ACBD6: variants seen among roughly 807,000 people sequenced by gnomAD.
ACBD6 encodes acyl-CoA binding domain containing 6.
A neutral mutation model predicts 37.2 loss-of-function variants in ACBD6; 28 were observed. The ratio of observed to expected loss-of-function variants is 0.75; its 90% CI spans 0.56 to 1.03. The LOEUF (loss-of-function observed/expected upper bound fraction) is 1.03, where lower values mean the gene tolerates loss of function less well. ACBD6 is among the 50% of genes least tolerant of loss of function. The probability of loss-of-function intolerance (pLI) is 0.00; values close to 1 mark genes in which losing one functional copy is unlikely to be tolerated. For synonymous variants in ACBD6, 113 were observed against 126.8 expected (o/e 0.89, Z 0.73); for missense variants, 340 against 337.4 (o/e 1.01, Z -0.06).
At chr1:180,428,250 TTTCA>T (rs1415881840) in intron 4 of ACBD6, among the ~76,000 whole-genome samples, 1 of 152,212 alleles carries the variant, frequency 6.6e-6, no homozygotes, top group Non-Finnish European at 1.5e-5. Flanking sequence ...AAGGTTCATA[TTTCA>T]TTCAATTAAT....
intron 3 of ACBD6, among the ~76,000 whole-genome samples, chr1:180,438,888 A>C (rs921951214): frequency 3.3e-5 from 5 of 152,140 alleles, no homozygotes; most frequent in African/African-American, 1.2e-4. Flanking sequence ...ACTGCCCTAA[A>C]AATCCCGTAC....
At chr1:180,497,322 G>A (rs1169667804) in intron 1 of ACBD6, among the ~76,000 whole-genome samples, 3 of 152,122 alleles carry the variant, frequency 2.0e-5, no homozygotes, top group Non-Finnish European at 4.4e-5. Flanking sequence ...CTGGGGACTG[G>A]ATGTGTGGAA....
At chr1:180,484,528 G>A (rs1557889875) in intron 3 of ACBD6, among the ~76,000 whole-genome samples, 1 of 152,036 alleles carries the variant, frequency 6.6e-6, no homozygotes, top group Non-Finnish European at 1.5e-5. Flanking sequence ...ATATGAAAGA[G>A]GGAAGGCTAT....
At chr1:180,277,562 CTGTT>C (rs1023567778) in intron 9 of ACBD6, 4 of 152,152 alleles carry the variant, frequency 2.6e-5, no homozygotes, top group Non-Finnish European at 5.9e-5. Context: ...GGAGGAATCT[CTGTT>C]TGTTGGAACG....
intron 9 of ACBD6, chr1:180,275,921 C>T (rs1258877158): frequency 1.3e-5 from 2 of 152,342 alleles, no homozygotes; most frequent in Non-Finnish European, 2.9e-5. Flanking sequence ...AGGCCAACCC[C>T]CGCTTTACGA....
intron 3 of ACBD6, among the ~76,000 whole-genome samples, chr1:180,483,908 C>G (rs1379960050): frequency 2.0e-5 from 3 of 152,088 alleles, no homozygotes; most frequent in Admixed American, 1.3e-4. Context: ...CTCCAAAGAG[C>G]TATGGAAAAT....
intron 4 of ACBD6, 53 bp downstream of exon 4, chr1:180,430,127 G>GCA: frequency 2.1e-6 from 3 of 1,452,000 alleles, no homozygotes; most frequent in South Asian, 1.1e-5. Flanking sequence ...ACAAACACAT[G>GCA]CACACACACA....
intron 7 of ACBD6, among the ~76,000 whole-genome samples, chr1:180,307,432 C>T (rs1488309394): frequency 6.6e-6 from 1 of 151,984 alleles, no homozygotes; most frequent in East Asian, 1.9e-4. Context: ...AAGAATAAGA[C>T]CCAGTATTTG....
intron 4 of ACBD6, among the ~76,000 whole-genome samples, chr1:180,417,848 G>C (rs1209582707): frequency 1.3e-5 from 2 of 152,128 alleles, no homozygotes; most frequent in African/African-American, 2.4e-5. Flanking sequence ...CAGTCATACT[G>C]CTAGTGAATA....
At chr1:180,315,630 A>G (rs1369337147) in intron 6 of ACBD6, among the ~76,000 whole-genome samples, 1 of 152,208 alleles carries the variant, frequency 6.6e-6, no homozygotes, top group East Asian at 1.9e-4. Flanking sequence ...AGCTGAATGT[A>G]GGGGTGGAGG....
intron 4 of ACBD6, among the ~76,000 whole-genome samples, chr1:180,427,313 A>G (rs1297143708): frequency 1.3e-5 from 2 of 152,228 alleles, no homozygotes; most frequent in Admixed American, 6.5e-5. Flanking sequence ...TTTTTTAAAA[A>G]TAACAGTTCC....
intron 3 of ACBD6, among the ~76,000 whole-genome samples, chr1:180,467,472 A>AAAAAAAAC (rs370655998): frequency 8.7e-5 from 10 of 114,536 alleles, no homozygotes; most frequent in Admixed American, 3.0e-4. Flanking sequence ...AAAAAAAAAA[A>AAAAAAAAC]CAAAAACAAA....
intron 6 of ACBD6, among the ~76,000 whole-genome samples, chr1:180,377,964 TA>T (rs1220290219): frequency 3.4e-5 from 5 of 148,768 alleles, no homozygotes; most frequent in Admixed American, 3.4e-4. Context: ...ATAATAATAA[TA>T]ATAATAATAA....
rs542347274 is a variant in ACBD6 at position 180,303,438 on chromosome 1, C to T, written c.694+11254G>A. ...ATAAAGGGGACATCACCACCAATCC[C>T]GCAGAAATACAAACTACCATCAGAG... On this transcript the variant is annotated intron_variant, in intron 7 of 7. Coordinates refer to ENST00000367595, the MANE Select transcript of ACBD6 (RefSeq NM_032360.4). 9.9e-5 allele frequency among the ~76,000 whole-genome samples: 15 copies of T among 150,872 alleles called. No individual in the cohort carries two copies. In the South Asian group the frequency reaches 1.5e-3, roughly 15 times the overall value.
chr1:180,468,949 C>T (rs1272230860), intron 3 of ACBD6, among the ~76,000 whole-genome samples: 1 of 152,152 alleles, frequency 6.6e-6, no homozygotes, highest in Non-Finnish European at 1.5e-5. Context: ...GGCTAGAATG[C>T]TTCAGTATCA....
intron 6 of ACBD6, among the ~76,000 whole-genome samples, chr1:180,354,852 T>C (rs975148989): frequency 3.3e-5 from 5 of 152,174 alleles, no homozygotes; most frequent in African/African-American, 1.2e-4. Flanking sequence ...TTATTTCTGA[T>C]ATAGTTTTTA....
intron 3 of ACBD6, among the ~76,000 whole-genome samples, chr1:180,477,254 T>C (rs1650835265): frequency 6.6e-6 from 1 of 151,980 alleles, no homozygotes; most frequent in African/African-American, 2.4e-5. Flanking sequence ...TGACCTCAGG[T>C]GACTGAAACC....
At chr1:180,283,382 C>T (rs773825218), downstream of ACBD6, among the ~76,000 whole-genome samples, 2 of 152,102 alleles carry the variant, frequency 1.3e-5, no homozygotes, top group Admixed American at 6.6e-5. Context: ...ACTTTCCCAC[C>T]TCTGAGAAAA....
chr1:180,328,473 C>G (rs1651344324), intron 6 of ACBD6, among the ~76,000 whole-genome samples: 1 of 151,378 alleles, frequency 6.6e-6, no homozygotes, highest in Non-Finnish European at 1.5e-5. Flanking sequence ...CACACTTGAT[C>G]TACCATCTCT....
Sources: gnomAD v4.1 joint callset for allele counts (sites outside exome capture counted in the v4.1 genomes callset) on GRCh38, gnomAD v4.1.1 for gene constraint, MANE v1.5 for transcripts, NCBI Gene and HGNC (gene_info 2026-07-23, HGNC 2026-07-21) for gene names.